Variants in NELL2 observed in about 807,000 individuals in gnomAD.
NELL2 encodes protein kinase C-binding protein NELL2.
In NELL2, 41 loss-of-function variants were observed where a neutral mutation model predicts 109.6. The observed-to-expected ratio is 0.37, with a 90% CI of 0.29 to 0.49. NELL2 has a LOEUF of 0.49. NELL2 is among the 20% of genes least tolerant of loss of function. NELL2 has a pLI of 0.98. For synonymous variants in NELL2, 355 were observed against 344.7 expected, an observed-to-expected ratio of 1.03 and a Z score of -0.33; for missense variants, 900 against 1,008.3, an observed-to-expected ratio of 0.89 and a Z score of 1.45.
chr12:44,779,548 T>A, intron 5 of NELL2, 115 bp downstream of exon 5: 1 of 801,870 alleles, frequency 1.2e-6, no homozygotes, highest in Non-Finnish European at 2.0e-6. Flanking sequence ...CAGACACAAA[T>A]TTTCTAATTT....
intron 13 of NELL2, among the ~76,000 whole-genome samples, chr12:44,626,786 T>C (rs1453643226): frequency 1.3e-5 from 2 of 152,188 alleles, no homozygotes; most frequent in Admixed American, 1.3e-4. Flanking sequence ...GCAGAATTAA[T>C]AGGTGACAGA....
intron 13 of NELL2, among the ~76,000 whole-genome samples, chr12:44,643,160 A>G (rs1221947965): frequency 1.3e-5 from 2 of 152,210 alleles, no homozygotes; most frequent in Non-Finnish European, 1.5e-5. Context: ...TAATAACACT[A>G]TAGAAGTGTA....
intron 12 of NELL2, among the ~76,000 whole-genome samples, chr12:44,679,145 C>G (rs112997133): frequency 6.6e-6 from 1 of 151,970 alleles, no homozygotes; most frequent in East Asian, 1.9e-4. Context: ...AGTATTCACA[C>G]GTACCTATTA....
chr12:44,518,851 C>G (rs1308983463), intron 19 of NELL2, among the ~76,000 whole-genome samples: 1 of 152,144 alleles, frequency 6.6e-6, no homozygotes, highest in Non-Finnish European at 1.5e-5. Context: ...ATCGCATATA[C>G]ATTATTAGTA....
At position 44,681,499 on chromosome 12, in the gene NELL2, G is replaced by A. The variant is rs563135317; in HGVS notation, c.1319-15890C>T. ...AGTTACATATGTATACATGCTCCAT[G>A]CTGGTGCGCTGCACCCATTAACTCG... On this transcript the variant is annotated intron_variant, in intron 12 of 19. Transcript: ENST00000429094. Among the ~76,000 whole-genome samples, 5 of 151,788 alleles carry A rather than the reference G, an allele frequency of 3.3e-5. No homozygotes were observed. In the East Asian group the frequency reaches 9.7e-4, roughly 29 times the overall value.
At chr12:44,831,594 T>C (rs1203307001) in intron 2 of NELL2, among the ~76,000 whole-genome samples, 1 of 152,178 alleles carries the variant, frequency 6.6e-6, no homozygotes, top group Non-Finnish European at 1.5e-5. Flanking sequence ...AGATAGAAAC[T>C]TCATTCCCCT....
intron 2 of NELL2, among the ~76,000 whole-genome samples, chr12:44,857,598 A>G (rs923694216): frequency 6.6e-6 from 1 of 152,150 alleles, no homozygotes; most frequent in African/African-American, 2.4e-5. Context: ...AGGTAAAACA[A>G]TTGTGTCATT....
intron 15 of NELL2, among the ~76,000 whole-genome samples, chr12:44,533,630 C>G (rs1942179965): frequency 6.6e-6 from 1 of 152,114 alleles, no homozygotes; most frequent in Non-Finnish European, 1.5e-5. Flanking sequence ...AGGCTTATTA[C>G]TATTCCTAAA....
chr12:44,744,834 C>T (rs56233914), intron 9 of NELL2, among the ~76,000 whole-genome samples: 4,118 of 152,244 alleles, frequency 0.027, 186 homozygotes, highest in African/African-American at 0.093. Context: ...CAAAACAAGT[C>T]CAGGACCAGA....
At chr12:44,573,728 C>T (rs532979612) in intron 15 of NELL2, among the ~76,000 whole-genome samples, 1 of 152,168 alleles carries the variant, frequency 6.6e-6, no homozygotes, top group Admixed American at 6.5e-5. Flanking sequence ...ATATGGAGAA[C>T]AGGCAAAAAT....
intron 9 of NELL2, among the ~76,000 whole-genome samples, chr12:44,727,181 A>G (rs554032612): frequency 1.3e-5 from 2 of 152,270 alleles, no homozygotes; most frequent in South Asian, 2.1e-4. Flanking sequence ...AAAATTGCAC[A>G]TAGGGAAATT....
intron 15 of NELL2, among the ~76,000 whole-genome samples, chr12:44,534,634 C>T (rs1455286763): frequency 1.3e-5 from 2 of 152,128 alleles, no homozygotes; most frequent in Non-Finnish European, 2.9e-5. Flanking sequence ...GTCTTTTCTT[C>T]TAACCGCAAT....
chr12:44,882,726 C>T (rs543492516), intron 1 of NELL2, among the ~76,000 whole-genome samples: 42 of 151,532 alleles, frequency 2.8e-4, no homozygotes, highest in Non-Finnish European at 6.0e-4. Flanking sequence ...CAGGGTTTCA[C>T]CATGTTGGCC....
At chr12:44,834,343 T>C (rs909573149) in intron 2 of NELL2, among the ~76,000 whole-genome samples, 2 of 151,950 alleles carry the variant, frequency 1.3e-5, no homozygotes, top group Admixed American at 1.3e-4. Context: ...TCATAAAATA[T>C]AAATATAGTA....
chr12:44,711,432 C>G, intron 10 of NELL2, 38 bp from the exon 11 acceptor site: 1 of 1,526,910 alleles, frequency 6.5e-7, no homozygotes, highest in South Asian at 1.1e-5. Context: ...CAAATTTTAT[C>G]ATTAGGACTT....
At chr12:44,770,469 A>G (rs977477682) in intron 9 of NELL2, among the ~76,000 whole-genome samples, 11 of 152,210 alleles carry the variant, frequency 7.2e-5, no homozygotes, top group African/African-American at 2.7e-4. Context: ...TGTAACTCAC[A>G]GAATTAACTA....
chr12:44,888,714 C>T (rs967460748), intron 1 of NELL2, among the ~76,000 whole-genome samples: 7 of 151,564 alleles, frequency 4.6e-5, no homozygotes, highest in Non-Finnish European at 1.0e-4. Flanking sequence ...ATTCACGTGT[C>T]GACAATAGGA....
chr12:44,518,075 CAA>C (rs1326624461), intron 19 of NELL2, among the ~76,000 whole-genome samples: 1 of 151,870 alleles, frequency 6.6e-6, no homozygotes, highest in Non-Finnish European at 1.5e-5. Flanking sequence ...TATTTAATAA[CAA>C]GAGATAAAGA....
At chr12:44,887,743 G>A (rs1224896722) in intron 1 of NELL2, among the ~76,000 whole-genome samples, 1 of 151,754 alleles carries the variant, frequency 6.6e-6, no homozygotes, top group African/African-American at 2.4e-5. Flanking sequence ...TCCCTTGTCA[G>A]GTGGGTACTT....
Sources: allele counts gnomAD v4.1 joint callset (sites outside exome capture counted in the v4.1 genomes callset), GRCh38; gene constraint gnomAD v4.1.1; transcripts MANE v1.5; gene names NCBI Gene and HGNC (gene_info 2026-07-23, HGNC 2026-07-21).